TECRL: variants seen among roughly 807,000 people sequenced by gnomAD.
TECRL encodes trans-2,3-enoyl-CoA reductase like.
TECRL carries 63 observed loss-of-function variants against 52.8 expected under a neutral mutation model. The ratio of observed to expected loss-of-function variants is 1.19; its 90% CI spans 0.97 to 1.47. The LOEUF is 1.47. Ranked by LOEUF, TECRL falls within the 40% of genes most tolerant of loss-of-function variation. The pLI, the probability that TECRL is intolerant of heterozygous loss-of-function variation, is 0.00. For missense variants in TECRL, 482 were observed against 429.6 expected, an observed-to-expected ratio of 1.12 and a Z score of -1.08; for synonymous variants, 164 against 141.9, an observed-to-expected ratio of 1.16 and a Z score of -1.10.
At chr4:64,345,242 A>T (rs1299273667) in intron 2 of TECRL, among the ~76,000 whole-genome samples, 4 of 152,172 alleles carry the variant, frequency 2.6e-5, no homozygotes, top group Non-Finnish European at 5.9e-5. Flanking sequence ...CTATAAAGAC[A>T]CATGCACACG....
chr4:64,285,886 G>T (rs937613263), intron 9 of TECRL, among the ~76,000 whole-genome samples: 1 of 151,996 alleles, frequency 6.6e-6, no homozygotes, highest in African/African-American at 2.4e-5. Flanking sequence ...AGCATGTTCT[G>T]GGATTCAAGG....
chr4:64,313,024 G>A (rs998783563), intron 5 of TECRL, among the ~76,000 whole-genome samples: 1 of 152,134 alleles, frequency 6.6e-6, no homozygotes, highest in Non-Finnish European at 1.5e-5. Flanking sequence ...TTGCGGAACT[G>A]TGAGTCAATT....
chr4:64,288,117 C>T (rs1280514144), intron 9 of TECRL, among the ~76,000 whole-genome samples: 5 of 151,838 alleles, frequency 3.3e-5, no homozygotes, highest in African/African-American at 1.2e-4. Context: ...CCACTGCACT[C>T]CAGCCTGGGC....
At chr4:64,286,072 CATG>C (rs1341192083) in intron 9 of TECRL, among the ~76,000 whole-genome samples, 2 of 152,062 alleles carry the variant, frequency 1.3e-5, no homozygotes, top group African/African-American at 4.8e-5. Flanking sequence ...TCAGCATTTA[CATG>C]ATGCTTCTGT....
chr4:64,367,981 A>G (rs1404973222), intron 2 of TECRL, among the ~76,000 whole-genome samples: 3 of 152,006 alleles, frequency 2.0e-5, no homozygotes, highest in Admixed American at 2.0e-4. Flanking sequence ...CAGGGCATCA[A>G]CACTACCAGG....
intron 2 of TECRL, among the ~76,000 whole-genome samples, chr4:64,353,670 C>T (rs142260869): frequency 2.6e-5 from 4 of 152,172 alleles, no homozygotes; most frequent in East Asian, 3.9e-4. Flanking sequence ...TATAAGATAT[C>T]GAGATGCCAT....
chr4:64,314,683 T>G lies in TECRL; in HGVS notation c.516A>C (p.Lys172Asn), dbSNP rs1433837751. The change falls in exon 5 of 12, where the codon AAA (lysine) becomes AAC (asparagine). Residue 172 changes from lysine (K) to asparagine (N), a missense_variant. Lys to Asn is a moderately conservative substitution (Grantham distance 94, BLOSUM62 0). Coordinates refer to ENST00000381210, the MANE Select transcript of TECRL (RefSeq NM_001010874.5). Reference protein sequence around the residue: ...YLRIPCIYDGKESARRLRHPV... With the variant: ...YLRIPCIYDGNESARRLRHPV... ...GGTGGCGTAATCTTCTAGCACTCTC[T>G]TTTCCATCATATATACATGGGATCC... 1 of 1,612,760 alleles carries G rather than the reference T, an allele frequency of 6.2e-7. No homozygotes were observed. The highest frequency in any genetic ancestry group is 1.1e-5 in the South Asian group (1 of 91,038).
intron 8 of TECRL, among the ~76,000 whole-genome samples, chr4:64,296,011 AAC>A (rs1723660046): frequency 6.6e-6 from 1 of 151,994 alleles, no homozygotes; most frequent in South Asian, 2.1e-4. Context: ...AAATGATGAA[AAC>A]ACACAGAGTA....
chr4:64,387,187 AT>A (rs1282673812), intron 1 of TECRL, among the ~76,000 whole-genome samples: 1 of 152,018 alleles, frequency 6.6e-6, no homozygotes, highest in African/African-American at 2.4e-5. Flanking sequence ...TTCAGATTGC[AT>A]TTTTTCACTT....
intron 1 of TECRL, among the ~76,000 whole-genome samples, chr4:64,375,682 C>A (rs1722350348): frequency 6.6e-6 from 1 of 151,700 alleles, no homozygotes; most frequent in African/African-American, 2.4e-5. Context: ...CACCTTAAGT[C>A]CCCTACTGAC....
At chr4:64,386,250 T>A (rs139631261) in intron 1 of TECRL, among the ~76,000 whole-genome samples, 1,871 of 152,270 alleles carry the variant, frequency 0.012, 45 homozygotes, top group African/African-American at 0.042. Flanking sequence ...TTATATATGG[T>A]ATTCTCAAAG....
At chr4:64,339,713 C>T (rs73228594) in intron 2 of TECRL, among the ~76,000 whole-genome samples, 3,832 of 152,124 alleles carry the variant, frequency 0.025, 175 homozygotes, top group African/African-American at 0.087. Flanking sequence ...TCTTTCCCCG[C>T]GTCTTATACT....
At chr4:64,358,850 A>G (rs1720971611) in intron 2 of TECRL, among the ~76,000 whole-genome samples, 1 of 151,840 alleles carries the variant, frequency 6.6e-6, no homozygotes, top group African/African-American at 2.4e-5. Flanking sequence ...ATATTTTCAA[A>G]AGATTTATCA....
At chr4:64,374,006 G>GTATAGTA (rs377324094) in intron 2 of TECRL, among the ~76,000 whole-genome samples, 130,056 of 135,092 alleles carry the variant, frequency 0.96, 62,791 homozygotes, top group East Asian at 1. Flanking sequence ...CTATACTATA[G>GTATAGTA]TATAGTATAT....
chr4:64,342,421 TTA>T (rs1719645514), intron 2 of TECRL, among the ~76,000 whole-genome samples: 1 of 81,496 alleles, frequency 1.2e-5, no homozygotes, highest in Admixed American at 1.7e-4. Flanking sequence ...GGTAGTAGTT[TTA>T]TATATATATA....
intron 1 of TECRL, among the ~76,000 whole-genome samples, chr4:64,408,197 C>T (rs1209182703): frequency 6.6e-6 from 1 of 151,782 alleles, no homozygotes; most frequent in Non-Finnish European, 1.5e-5. Flanking sequence ...GACTAAACAG[C>T]TTCTTTTTTC....
At chr4:64,289,308 A>G (rs1723247812) in intron 9 of TECRL, among the ~76,000 whole-genome samples, 1 of 152,228 alleles carries the variant, frequency 6.6e-6, no homozygotes, top group Admixed American at 6.5e-5. Context: ...ATCATTACAA[A>G]AAGAAAAACT....
chr4:64,356,741 C>T (rs915423991), intron 2 of TECRL, among the ~76,000 whole-genome samples: 26 of 152,140 alleles, frequency 1.7e-4, no homozygotes, highest in Non-Finnish European at 3.1e-4. Context: ...CCTCCATATG[C>T]TAGGTGGCGG....
At chr4:64,350,863 T>C (rs1219784139) in intron 2 of TECRL, among the ~76,000 whole-genome samples, 2 of 151,608 alleles carry the variant, frequency 1.3e-5, no homozygotes, top group African/African-American at 4.8e-5. Flanking sequence ...ATAAATATGG[T>C]AATATAGTCA....
Sources: gnomAD v4.1 joint callset for allele counts (sites outside exome capture counted in the v4.1 genomes callset) on GRCh38, gnomAD v4.1.1 for gene constraint, MANE v1.5 for transcripts, NCBI Gene and HGNC (gene_info 2026-07-23, HGNC 2026-07-21) for gene names.